Variants in EPHA6 observed in about 807,000 individuals in gnomAD.
EPHA6 encodes the protein ephrin type-A receptor 6.
A neutral mutation model predicts 112.0 loss-of-function variants in EPHA6; 50 were observed. That is an observed-to-expected ratio of 0.45 (90% CI 0.36 to 0.56). EPHA6 has a LOEUF of 0.56. Among genes scored for constraint, EPHA6 ranks in the 20% least tolerant of loss-of-function variants. The pLI is 0.00. For synonymous variants in EPHA6, 529 were observed against 490.7 expected (o/e 1.08, Z -1.03); for missense variants, 1,280 against 1,417.4 (o/e 0.90, Z 1.56).
Position 97,091,499 on chromosome 3 carries a change from A to G in EPHA6, c.1114+103506A>G, listed in dbSNP as rs544544846. Reference sequence around the variant, plus strand: ...AGCTATTTGTGGAGATTTTTTGCATAGGAAGTGTATACAGAAGTTCAAAGG... The same window carrying G: ...AGCTATTTGTGGAGATTTTTTGCATGGGAAGTGTATACAGAAGTTCAAAGG... On this transcript the variant is annotated intron_variant, in intron 3 of 17. Transcript: ENST00000389672. Among the ~76,000 whole-genome samples the G allele has an allele frequency of 2.0e-5, 3 of 152,278 alleles. No homozygotes were observed. The South Asian group carries it at 6.2e-4, about 32-fold the overall frequency.
At chr3:97,418,179 C>T (rs925554054) in intron 6 of EPHA6, among the ~76,000 whole-genome samples, 1 of 151,178 alleles carries the variant, frequency 6.6e-6, no homozygotes, top group Non-Finnish European at 1.5e-5. Flanking sequence ...AATAGATACA[C>T]AGTCATACAC....
At chr3:97,553,208 T>C (rs2107101375) in intron 11 of EPHA6, among the ~76,000 whole-genome samples, 1 of 152,160 alleles carries the variant, frequency 6.6e-6, no homozygotes, top group Admixed American at 6.6e-5. Flanking sequence ...AGATGTGATC[T>C]CCCCTTCACC....
At chr3:97,204,048 A>T (rs1576676455) in intron 3 of EPHA6, among the ~76,000 whole-genome samples, 1 of 152,158 alleles carries the variant, frequency 6.6e-6, no homozygotes, top group African/African-American at 2.4e-5. Flanking sequence ...TTGTATAATT[A>T]TGTGTTCTAA....
intron 6 of EPHA6, among the ~76,000 whole-genome samples, chr3:97,406,861 C>A (rs977837386): frequency 6.6e-6 from 1 of 152,118 alleles, no homozygotes; most frequent in African/African-American, 2.4e-5. Context: ...TCAAATGTTA[C>A]AGCCTATAGC....
At chr3:96,860,811 T>A (rs548318367) in intron 1 of EPHA6, among the ~76,000 whole-genome samples, 1 of 152,100 alleles carries the variant, frequency 6.6e-6, no homozygotes, top group Admixed American at 6.6e-5. Context: ...ATGTAAATAA[T>A]ATAGGTCTCA....
intron 3 of EPHA6, among the ~76,000 whole-genome samples, chr3:96,999,632 GA>G (rs1559657402): frequency 6.6e-6 from 1 of 151,926 alleles, no homozygotes; most frequent in East Asian, 1.9e-4. Context: ...GGAAGAGGAA[GA>G]CCAAATTTTT....
intron 3 of EPHA6, among the ~76,000 whole-genome samples, chr3:97,088,558 T>C (rs1358177024): frequency 6.6e-6 from 1 of 152,130 alleles, no homozygotes. Flanking sequence ...GTCTTGTTTC[T>C]TACCTTCCTG....
chr3:96,973,482 A>G (rs1168732507), intron 2 of EPHA6, among the ~76,000 whole-genome samples: 1 of 152,142 alleles, frequency 6.6e-6, no homozygotes, highest in Non-Finnish European at 1.5e-5. Flanking sequence ...TATTATAAAT[A>G]TCTATATCAT....
chr3:97,233,869 G>A (rs1265314636), intron 4 of EPHA6, among the ~76,000 whole-genome samples: 3 of 152,086 alleles, frequency 2.0e-5, no homozygotes, highest in Non-Finnish European at 4.4e-5. Context: ...AAAATATTTG[G>A]CCAGTAAATG....
chr3:97,008,563 T>G (rs1245834705), intron 3 of EPHA6, among the ~76,000 whole-genome samples: 1 of 152,196 alleles, frequency 6.6e-6, no homozygotes, highest in Non-Finnish European at 1.5e-5. Context: ...CATGCTCTTT[T>G]AGCTCATCAT....
At chr3:97,334,035 A>G (rs1279792292) in intron 5 of EPHA6, among the ~76,000 whole-genome samples, 1 of 151,636 alleles carries the variant, frequency 6.6e-6, no homozygotes, top group African/African-American at 2.4e-5. Flanking sequence ...TTTGTCAAAT[A>G]TTTTTTCTGT....
At chr3:97,049,691 T>G (rs72918255) in intron 3 of EPHA6, among the ~76,000 whole-genome samples, 2,006 of 152,210 alleles carry the variant, frequency 0.013, 47 homozygotes, top group African/African-American at 0.044. Context: ...TTCTGATGGC[T>G]AGGAATTTCA....
At chr3:97,384,478 T>C (rs2085941488) in intron 5 of EPHA6, among the ~76,000 whole-genome samples, 1 of 152,200 alleles carries the variant, frequency 6.6e-6, no homozygotes, top group Admixed American at 6.5e-5. Flanking sequence ...TTCACTCATT[T>C]GTAGCTTTAG....
chr3:97,059,074 T>G (rs1223308434), intron 3 of EPHA6, among the ~76,000 whole-genome samples: 3 of 152,072 alleles, frequency 2.0e-5, no homozygotes, highest in Admixed American at 1.3e-4. Context: ...AAGACAAGCC[T>G]TAAGTAAAAT....
intron 3 of EPHA6, among the ~76,000 whole-genome samples, chr3:97,148,910 T>G (rs992120518): frequency 6.6e-6 from 1 of 152,118 alleles, no homozygotes; most frequent in Admixed American, 6.6e-5. Flanking sequence ...ATTAATGTTT[T>G]GCTGGAGGGC....
chr3:96,985,491 T>G (rs1361004259), intron 2 of EPHA6, among the ~76,000 whole-genome samples: 3 of 152,266 alleles, frequency 2.0e-5, no homozygotes, highest in Non-Finnish European at 4.4e-5. Flanking sequence ...ATAGTGCTGG[T>G]TTGCCTTTAA....
intron 14 of EPHA6, among the ~76,000 whole-genome samples, chr3:97,656,090 G>C (rs2094136526): frequency 6.6e-6 from 1 of 151,870 alleles, no homozygotes; most frequent in Non-Finnish European, 1.5e-5. Flanking sequence ...GTAAAGGAAA[G>C]AGAACAATAT....
At chr3:97,717,231 C>CAAAA (rs748817650) in intron 14 of EPHA6, among the ~76,000 whole-genome samples, 1 of 48,790 alleles carries the variant, frequency 2.0e-5, no homozygotes, top group Non-Finnish European at 5.1e-5. Context: ...AACTCCATCT[C>CAAAA]AAAAAAAAAA....
intron 5 of EPHA6, among the ~76,000 whole-genome samples, chr3:97,288,884 G>A (rs1317208282): frequency 6.8e-6 from 1 of 145,992 alleles, no homozygotes; most frequent in African/African-American, 2.5e-5. Flanking sequence ...CTTCTTTTGA[G>A]AAGTGTCTGT....
Sources: allele counts gnomAD v4.1 joint callset (sites outside exome capture counted in the v4.1 genomes callset), GRCh38; gene constraint gnomAD v4.1.1; transcripts MANE v1.5; gene names NCBI Gene and HGNC (gene_info 2026-07-23, HGNC 2026-07-21).